Variants in FNDC3B observed in about 807,000 individuals in gnomAD.
FNDC3B encodes fibronectin type III domain-containing protein 3B.
Under a neutral mutation model 151.5 loss-of-function variants are expected in FNDC3B, and 12 were observed. The ratio of observed to expected loss-of-function variants is 0.08; its 90% CI spans 0.05 to 0.13. FNDC3B has a LOEUF of 0.13. Among genes scored for constraint, FNDC3B ranks in the 10% least tolerant of loss-of-function variants. FNDC3B has a pLI of 1.00. For synonymous variants in FNDC3B, 528 were observed against 549.0 expected, an observed-to-expected ratio of 0.96 and a Z score of 0.54; for missense variants, 1,214 against 1,505.3, an observed-to-expected ratio of 0.81 and a Z score of 3.20.
chr3:172,134,603 A>G (rs1156968815), intron 3 of FNDC3B, among the ~76,000 whole-genome samples: 1 of 152,032 alleles, frequency 6.6e-6, no homozygotes, highest in Admixed American at 6.6e-5. Context: ...CTTGCGTAAT[A>G]GTAGAGCATG....
rs376434771 is a variant in FNDC3B at position 172,235,103 on chromosome 3, A to G, written c.264+8156A>G. 5.9e-3 allele frequency among the ~76,000 whole-genome samples: 898 copies of G among 152,216 alleles called. 5 individuals carry two copies. Among genetic ancestry groups the G allele is most frequent in the Non-Finnish European group, 9.7e-3 (659 of 68,000 alleles). On this transcript the variant is annotated intron_variant, in intron 4 of 25. Coordinates refer to ENST00000415807, the MANE Select transcript of FNDC3B (RefSeq NM_022763.4). ...GACCAGTTTTTTCAAAACTGGTCAA[A>G]TTTTTTTAAAAGGTGATACGGTAAG...
intron 22 of FNDC3B, among the ~76,000 whole-genome samples, chr3:172,354,833 G>A (rs1312615680): frequency 6.6e-6 from 1 of 150,764 alleles, no homozygotes; most frequent in Non-Finnish European, 1.5e-5. Flanking sequence ...AGACCATGGA[G>A]CTTGGATAAA....
chr3:172,148,651 A>T (rs1229330831), intron 3 of FNDC3B: 2 of 152,188 alleles, frequency 1.3e-5, no homozygotes, highest in African/African-American at 4.8e-5. Flanking sequence ...AGACTATTGT[A>T]GCAATTTAGA....
chr3:172,208,747 G>T (rs1474154536), intron 3 of FNDC3B, among the ~76,000 whole-genome samples: 1 of 49,226 alleles, frequency 2.0e-5, no homozygotes, highest in Non-Finnish European at 4.6e-5. Context: ...CAGCACCACC[G>T]GCCAGGATCC....
intron 6 of FNDC3B, among the ~76,000 whole-genome samples, chr3:172,266,582 A>G (rs1288030323): frequency 6.6e-6 from 1 of 152,240 alleles, no homozygotes; most frequent in Non-Finnish European, 1.5e-5. Flanking sequence ...AGGTATTGGT[A>G]GGCCCGAGCT....
chr3:172,051,602 G>A (rs1305568221), intron 1 of FNDC3B, among the ~76,000 whole-genome samples: 1 of 152,176 alleles, frequency 6.6e-6, no homozygotes, highest in Non-Finnish European at 1.5e-5. Flanking sequence ...ATTGGGTTCA[G>A]TGTGTACTGC....
intron 22 of FNDC3B, among the ~76,000 whole-genome samples, chr3:172,357,491 A>G (rs1352827828): frequency 3.3e-5 from 5 of 152,132 alleles, no homozygotes; most frequent in Non-Finnish European, 7.4e-5. Context: ...TTTAGTTTTT[A>G]TTTTCTGAGG....
chr3:172,069,845 A>C (rs1224507128), intron 1 of FNDC3B, among the ~76,000 whole-genome samples: 1 of 152,206 alleles, frequency 6.6e-6, no homozygotes, highest in Non-Finnish European at 1.5e-5. Flanking sequence ...GTGATGCCTT[A>C]TATTTAAATA....
At chr3:172,329,302 G>A (rs765957563) in intron 12 of FNDC3B, 4 of 430,058 alleles carry the variant, frequency 9.3e-6, no homozygotes, top group Non-Finnish European at 1.6e-5. Flanking sequence ...CCCCACTAGG[G>A]GTCTCTAAGA....
intron 9 of FNDC3B, among the ~76,000 whole-genome samples, chr3:172,299,409 A>C (rs1730789549): frequency 6.6e-6 from 1 of 152,230 alleles, no homozygotes; most frequent in Non-Finnish European, 1.5e-5. Context: ...AGCCAACCAC[A>C]GATCTGTAAG....
At chr3:172,303,790 A>G (rs1414564089) in intron 9 of FNDC3B, among the ~76,000 whole-genome samples, 2 of 152,092 alleles carry the variant, frequency 1.3e-5, no homozygotes, top group Non-Finnish European at 2.9e-5. Flanking sequence ...TTTCTTTTCT[A>G]TAAAAGTTAT....
intron 3 of FNDC3B, among the ~76,000 whole-genome samples, chr3:172,168,668 A>G (rs1244684639): frequency 6.6e-6 from 1 of 150,484 alleles, no homozygotes; most frequent in East Asian, 1.9e-4. Context: ...TAAAGTTTCT[A>G]TCATGTCTGT....
intron 4 of FNDC3B, among the ~76,000 whole-genome samples, chr3:172,243,549 C>A (rs1351746569): frequency 1.3e-5 from 2 of 152,100 alleles, no homozygotes; most frequent in Non-Finnish European, 2.9e-5. Context: ...CTTAAATCAC[C>A]ATCATGAGAA....
At chr3:172,120,574 G>GC in intron 2 of FNDC3B, among the ~76,000 whole-genome samples, 1 of 151,830 alleles carries the variant, frequency 6.6e-6, no homozygotes, top group South Asian at 2.1e-4. Context: ...GCATGGGGGG[G>GC]GGTGTGTGTG....
At chr3:172,329,206 GAATCCT>G in intron 12 of FNDC3B, 130 bp downstream of exon 12, 1 of 1,113,516 alleles carries the variant, frequency 9.0e-7, no homozygotes, top group South Asian at 1.6e-5. Flanking sequence ...TTCCAAGAGG[GAATCCT>G]AATCAGAGGA....
chr3:172,091,125 G>A (rs538097844), intron 1 of FNDC3B, among the ~76,000 whole-genome samples: 5 of 152,248 alleles, frequency 3.3e-5, no homozygotes, highest in African/African-American at 4.8e-5. Flanking sequence ...AAACAAGGAC[G>A]GGCTTGGGGA....
intron 6 of FNDC3B, among the ~76,000 whole-genome samples, chr3:172,258,481 T>C (rs1478740713): frequency 6.6e-6 from 1 of 152,218 alleles, no homozygotes; most frequent in Non-Finnish European, 1.5e-5. Flanking sequence ...ACTACAGCTT[T>C]ACTTCCCCCA....
intron 17 of FNDC3B, 58 bp downstream of exon 17, chr3:172,341,289 T>A: frequency 8.3e-7 from 1 of 1,210,582 alleles, no homozygotes; most frequent in Non-Finnish European, 1.2e-6. Context: ...ACAAACTGTC[T>A]ATAACATCAG....
chr3:172,204,257 C>A (rs1725313531), intron 3 of FNDC3B, among the ~76,000 whole-genome samples: 1 of 152,154 alleles, frequency 6.6e-6, no homozygotes, highest in African/African-American at 2.4e-5. Flanking sequence ...AGAAACCAAG[C>A]ATGCACCGGA....
Sources: gnomAD v4.1 joint callset for allele counts (sites outside exome capture counted in the v4.1 genomes callset) on GRCh38, gnomAD v4.1.1 for gene constraint, MANE v1.5 for transcripts, NCBI Gene and HGNC (gene_info 2026-07-23, HGNC 2026-07-21) for gene names.